KCNMB2: variants seen among roughly 807,000 people sequenced by gnomAD.
KCNMB2 encodes calcium-activated potassium channel subunit beta-2.
Under a neutral mutation model 24.5 loss-of-function variants are expected in KCNMB2, and 9 were observed. That is an observed-to-expected ratio of 0.37 (90% CI 0.22 to 0.64). The LOEUF is 0.64. KCNMB2 is among the 30% of genes least tolerant of loss of function. The pLI is 0.63. For synonymous variants in KCNMB2, 109 were observed against 104.4 expected, an observed-to-expected ratio of 1.04 and a Z score of -0.27; for missense variants, 226 against 284.3, an observed-to-expected ratio of 0.79 and a Z score of 1.47.
chr3:178,734,003 A>T (rs1440824032), intron 1 of KCNMB2, among the ~76,000 whole-genome samples: 4 of 152,164 alleles, frequency 2.6e-5, no homozygotes, highest in African/African-American at 9.7e-5. Flanking sequence ...GACCAGTTGG[A>T]TGTGGGATAT....
chr3:178,842,766 A>C lies in KCNMB2; in HGVS notation c.537A>C (p.Glu179Asp). 6.2e-7 allele frequency: 1 copy of C among 1,613,960 alleles called. No individual in the cohort carries two copies. The highest frequency in any genetic ancestry group is 8.5e-7 in the Non-Finnish European group (1 of 1,179,812). Residue 179 changes from glutamate to aspartate, a missense_variant, in exon 5 of 5, where the codon GAA becomes GAC. Transcript: ENST00000452583. ...YQHFSCYSDP[E>D]GNQKSVILTK... ...ACTTCTCCTGCTATTCTGACCCAGA[A>C]GGAAACCAGAAGAGTGTTATCCTAA... is the stretch of plus-strand genomic sequence containing the variant.
chr3:178,612,099 T>C (rs913001134), intron 1 of KCNMB2, among the ~76,000 whole-genome samples: 19 of 152,362 alleles, frequency 1.2e-4, no homozygotes, highest in African/African-American at 4.1e-4. Context: ...TTTAGTTTCA[T>C]TGTGGTCAGA....
intron 1 of KCNMB2, among the ~76,000 whole-genome samples, chr3:178,675,317 G>C (rs1009231955): frequency 9.9e-5 from 15 of 152,156 alleles, no homozygotes; most frequent in African/African-American, 3.6e-4. Flanking sequence ...AACTTGATGA[G>C]GTTTGAAACA....
In KCNMB2 at chr3:178,647,468, C is replaced by T. The variant is rs569912708; in HGVS notation, c.-68+110757C>T. Among the ~76,000 whole-genome samples the T allele has an allele frequency of 1.1e-4, 17 of 152,278 alleles. No homozygotes were observed. In the East Asian group the frequency reaches 3.3e-3, roughly 29 times the overall value. ...GTTTCCAGAGCCTTAACAGAGTGCA[C>T]TAGAATCATAATAACCTGAGTTAAA... is the stretch of plus-strand genomic sequence containing the variant. On this transcript the variant is annotated intron_variant, in intron 1 of 4. Coordinates refer to ENST00000452583, the MANE Select transcript of KCNMB2 (RefSeq NM_181361.3).
chr3:178,817,892 T>C (rs181629622), intron 2 of KCNMB2, among the ~76,000 whole-genome samples: 2 of 152,318 alleles, frequency 1.3e-5, no homozygotes, highest in African/African-American at 4.8e-5. Flanking sequence ...GCCTAATAAA[T>C]GCAAGAGACT....
chr3:178,762,170 CA>C (rs564304109), intron 1 of KCNMB2, among the ~76,000 whole-genome samples: 1 of 149,322 alleles, frequency 6.7e-6, no homozygotes, highest in Non-Finnish European at 1.5e-5. Flanking sequence ...GACTCCGTCT[CA>C]AAAAAAAACC....
chr3:178,609,902 T>C (rs1718420293), intron 1 of KCNMB2, among the ~76,000 whole-genome samples: 1 of 152,168 alleles, frequency 6.6e-6, no homozygotes, highest in Admixed American at 6.6e-5. Flanking sequence ...CCTCCCAAAG[T>C]GCTGGGATTA....
At chr3:178,706,496 A>T (rs1345433046) in intron 1 of KCNMB2, among the ~76,000 whole-genome samples, 1 of 152,086 alleles carries the variant, frequency 6.6e-6, no homozygotes, top group African/African-American at 2.4e-5. Flanking sequence ...TGCAGATGAC[A>T]TTTGACTAGA....
At chr3:178,602,135 G>A (rs1211455380) in intron 1 of KCNMB2, among the ~76,000 whole-genome samples, 1 of 152,098 alleles carries the variant, frequency 6.6e-6, no homozygotes, top group Non-Finnish European at 1.5e-5. Context: ...TGGTATGGCA[G>A]AGACCTGGAA....
At chr3:178,719,325 G>A (rs1373882909) in intron 1 of KCNMB2, among the ~76,000 whole-genome samples, 1 of 152,182 alleles carries the variant, frequency 6.6e-6, no homozygotes, top group Non-Finnish European at 1.5e-5. Context: ...GAACATTCCT[G>A]GGGATTCCAT....
chr3:178,784,393 C>T (rs939043546), intron 1 of KCNMB2, among the ~76,000 whole-genome samples: 8 of 152,102 alleles, frequency 5.3e-5, no homozygotes, highest in African/African-American at 1.7e-4. Flanking sequence ...TTGATCCATG[C>T]TTCCTCTTTG....
chr3:178,789,336 G>C (rs999017314), intron 1 of KCNMB2, among the ~76,000 whole-genome samples: 1 of 152,150 alleles, frequency 6.6e-6, no homozygotes, highest in African/African-American at 2.4e-5. Context: ...TGAAAAGCAG[G>C]CTGCAAGACA....
At chr3:178,551,694 G>C (rs1715957692) in intron 1 of KCNMB2, among the ~76,000 whole-genome samples, 2 of 152,338 alleles carry the variant, frequency 1.3e-5, no homozygotes, top group South Asian at 4.1e-4. Context: ...CCCTTATTAA[G>C]TGCAAGGATT....
At chr3:178,812,401 C>A (rs1337043166) in intron 2 of KCNMB2, among the ~76,000 whole-genome samples, 1 of 124,064 alleles carries the variant, frequency 8.1e-6, no homozygotes. Flanking sequence ...CCCCACCCCA[C>A]AACAGTCCCT....
intron 1 of KCNMB2, among the ~76,000 whole-genome samples, chr3:178,575,865 T>G (rs1263078124): frequency 6.6e-6 from 1 of 152,216 alleles, no homozygotes; most frequent in East Asian, 1.9e-4. Flanking sequence ...TGAACACTGT[T>G]TAAAATCAAA....
intron 1 of KCNMB2, among the ~76,000 whole-genome samples, chr3:178,650,426 T>C (rs1342862607): frequency 1.3e-5 from 2 of 152,158 alleles, no homozygotes; most frequent in Non-Finnish European, 2.9e-5. Flanking sequence ...CTGTCTAATA[T>C]TGACAGTGGG....
intron 1 of KCNMB2, among the ~76,000 whole-genome samples, chr3:178,648,539 C>A (rs187103024): frequency 2.0e-4 from 30 of 152,192 alleles, no homozygotes; most frequent in Middle Eastern, 6.8e-3. Context: ...CAGAGTCTGT[C>A]TCTTAAAAAC....
At chr3:178,657,293 A>G (rs895277213) in intron 1 of KCNMB2, among the ~76,000 whole-genome samples, 1 of 152,202 alleles carries the variant, frequency 6.6e-6, no homozygotes, top group Non-Finnish European at 1.5e-5. Flanking sequence ...ATTCTTTGAA[A>G]GATATCTCAA....
intron 1 of KCNMB2, among the ~76,000 whole-genome samples, chr3:178,732,992 TAG>T (rs1723201606): frequency 6.6e-6 from 1 of 152,180 alleles, no homozygotes; most frequent in African/African-American, 2.4e-5. Context: ...AGACAGGCCA[TAG>T]ATGATGATAG....
Sources: allele counts gnomAD v4.1 joint callset (sites outside exome capture counted in the v4.1 genomes callset), GRCh38; gene constraint gnomAD v4.1.1; transcripts MANE v1.5; gene names NCBI Gene and HGNC (gene_info 2026-07-23, HGNC 2026-07-21).